Variants in SNTG1 observed in about 807,000 individuals in gnomAD.
SNTG1 encodes syntrophin gamma 1.
SNTG1 carries 39 observed loss-of-function variants against 74.7 expected under a neutral mutation model. The ratio of observed to expected loss-of-function variants is 0.52; its 90% CI spans 0.40 to 0.68. The LOEUF (loss-of-function observed/expected upper bound fraction) is 0.68. SNTG1 is among the 30% of genes least tolerant of loss of function. The pLI is 0.00. For synonymous variants in SNTG1, 254 were observed against 217.1 expected, an observed-to-expected ratio of 1.17 and a Z score of -1.49; for missense variants, 685 against 609.5, an observed-to-expected ratio of 1.12 and a Z score of -1.30.
intron 1 of SNTG1, among the ~76,000 whole-genome samples, chr8:49,933,749 A>G (rs1473763250): frequency 6.6e-6 from 1 of 152,180 alleles, no homozygotes; most frequent in African/African-American, 2.4e-5. Context: ...TTATTATTGT[A>G]CCTTTGTACT....
At chr8:50,446,196 T>C (rs1394702996) in intron 5 of SNTG1, among the ~76,000 whole-genome samples, 2 of 152,220 alleles carry the variant, frequency 1.3e-5, no homozygotes, top group East Asian at 1.9e-4. Context: ...ATTTAGGCCC[T>C]GCACTAAATC....
intron 11 of SNTG1, among the ~76,000 whole-genome samples, chr8:50,545,455 C>A (rs2094380284): frequency 6.8e-6 from 1 of 148,072 alleles, no homozygotes; most frequent in Admixed American, 6.8e-5. Flanking sequence ...ATATATGCAC[C>A]TGTCACTTTA....
chr8:50,232,211 T>G (rs1298957699), intron 2 of SNTG1, among the ~76,000 whole-genome samples: 1 of 151,440 alleles, frequency 6.6e-6, no homozygotes, highest in Non-Finnish European at 1.5e-5. Context: ...TTAAAAATTT[T>G]GTAAAGTAGA....
chr8:50,529,124 G>GTATT (rs2094245673), intron 9 of SNTG1, among the ~76,000 whole-genome samples: 1 of 151,710 alleles, frequency 6.6e-6, no homozygotes, highest in East Asian at 1.9e-4. Context: ...AAATGTATAT[G>GTATT]CTTTAAAATA....
intron 2 of SNTG1, among the ~76,000 whole-genome samples, chr8:50,308,759 G>A (rs1201324224): frequency 6.6e-6 from 1 of 152,092 alleles, no homozygotes; most frequent in Non-Finnish European, 1.5e-5. Context: ...TTTCCCAATT[G>A]TCCATAGATA....
Position 50,080,422 on chromosome 8 carries a change from A to G in SNTG1, c.-102-92139A>G, listed in dbSNP as rs555573126. On this transcript the variant is annotated intron_variant, in intron 1 of 18. Transcript: ENST00000642720. ...ACATTTTTATCAAGACTGATGATAT[A>G]TGCCCCATTAATAGAAGGTTTAGCA... 1.4e-3 allele frequency among the ~76,000 whole-genome samples: 214 copies of G among 152,288 alleles called. 1 individual carries two copies. The highest frequency in any genetic ancestry group is 5.0e-3 in the African/African-American group (206 of 41,562).
At chr8:50,780,258 G>T (rs6473368) in intron 18 of SNTG1, among the ~76,000 whole-genome samples, 66,160 of 151,986 alleles carry the variant, frequency 0.44, 16,613 homozygotes, top group African/African-American at 0.7. Flanking sequence ...CTATTGGTTG[G>T]AATAGTTTCA....
chr8:50,058,778 C>T (rs1449265741), intron 1 of SNTG1, among the ~76,000 whole-genome samples: 1 of 150,934 alleles, frequency 6.6e-6, no homozygotes, highest in African/African-American at 2.4e-5. Context: ...GTGTTTAGTG[C>T]CATGCAATTT....
chr8:49,981,885 A>C (rs1812711947), intron 1 of SNTG1, among the ~76,000 whole-genome samples: 1 of 152,140 alleles, frequency 6.6e-6, no homozygotes, highest in African/African-American at 2.4e-5. Context: ...TGAAATAAAA[A>C]ATATTTTAAA....
chr8:50,118,927 G>C lies in SNTG1; in HGVS notation c.-102-53634G>C, dbSNP rs371769414. 3.8e-4 allele frequency among the ~76,000 whole-genome samples: 53 copies of C among 140,602 alleles called. 10 individuals carry two copies. Among genetic ancestry groups the C allele is most frequent in the East Asian group, 2.7e-3 (13 of 4,898 alleles). 92.2% of individuals were successfully genotyped at this position (140,602 alleles called of 152,430 possible). On this transcript the variant is annotated intron_variant, in intron 1 of 18. Coordinates refer to ENST00000642720, the MANE Select transcript of SNTG1 (RefSeq NM_018967.5). The stretch of plus-strand genomic sequence containing the variant: ...TGTATTAGACTTAGCAGAGACAGAT[G>C]CCTGTTTTCTGCTTGAGTGATGAAA...
At chr8:50,234,263 A>T (rs772935801) in intron 2 of SNTG1, among the ~76,000 whole-genome samples, 14 of 152,012 alleles carry the variant, frequency 9.2e-5, no homozygotes, top group Non-Finnish European at 1.9e-4. Flanking sequence ...TTGAACTGAT[A>T]TGAAGAACAT....
intron 13 of SNTG1, among the ~76,000 whole-genome samples, chr8:50,629,226 G>T (rs2094978754): frequency 6.6e-6 from 1 of 151,866 alleles, no homozygotes; most frequent in African/African-American, 2.4e-5. Context: ...CTACAGCAGA[G>T]ATTTTTTTCA....
At chr8:50,045,085 C>T (rs985528595) in intron 1 of SNTG1, among the ~76,000 whole-genome samples, 2 of 152,146 alleles carry the variant, frequency 1.3e-5, no homozygotes, top group Non-Finnish European at 2.9e-5. Flanking sequence ...TGTTAGGAGA[C>T]AGTAGGGTGC....
At chr8:49,941,102 C>G (rs769727359) in intron 1 of SNTG1, among the ~76,000 whole-genome samples, 5 of 152,132 alleles carry the variant, frequency 3.3e-5, no homozygotes, top group Admixed American at 2.6e-4. Context: ...AGGACAAACT[C>G]TTCAGTCCTG....
At chr8:50,771,993 G>A (rs1363942678) in intron 18 of SNTG1, among the ~76,000 whole-genome samples, 1 of 152,060 alleles carries the variant, frequency 6.6e-6, no homozygotes, top group Non-Finnish European at 1.5e-5. Flanking sequence ...AAACCTGCAG[G>A]CCCAGGCAGA....
chr8:50,029,176 T>G (rs112584057), intron 1 of SNTG1, among the ~76,000 whole-genome samples: 2,007 of 152,262 alleles, frequency 0.013, 42 homozygotes, highest in African/African-American at 0.044. Flanking sequence ...AGAAGTCTTT[T>G]TACATTTGTT....
At chr8:50,763,055 T>C (rs556862633) in intron 18 of SNTG1, among the ~76,000 whole-genome samples, 1 of 152,022 alleles carries the variant, frequency 6.6e-6, no homozygotes, top group South Asian at 2.1e-4. Flanking sequence ...CAGCAAGTCA[T>C]CAATGATACT....
At chr8:50,513,356 G>A (rs1272239472) in intron 9 of SNTG1, among the ~76,000 whole-genome samples, 10 of 152,140 alleles carry the variant, frequency 6.6e-5, no homozygotes, top group East Asian at 1.9e-4. Context: ...TAGGCTACTC[G>A]GAGGACAGGG....
chr8:50,444,451 A>G (rs903460266), intron 5 of SNTG1, among the ~76,000 whole-genome samples: 2 of 152,134 alleles, frequency 1.3e-5, no homozygotes, highest in Non-Finnish European at 2.9e-5. Flanking sequence ...GTCCATTTCC[A>G]TCATAAAAGT....
Sources: gnomAD v4.1 joint callset for allele counts (sites outside exome capture counted in the v4.1 genomes callset) on GRCh38, gnomAD v4.1.1 for gene constraint, MANE v1.5 for transcripts, NCBI Gene and HGNC (gene_info 2026-07-23, HGNC 2026-07-21) for gene names.